CA10: variants seen among roughly 807,000 people sequenced by gnomAD.
CA10 encodes the protein carbonic anhydrase 10 (inactive), also known as carbonic anhydrase-related protein 10.
CA10 carries 14 observed loss-of-function variants against 44.2 expected under a neutral mutation model. The ratio of observed to expected loss-of-function variants is 0.32; its 90% CI spans 0.21 to 0.50. The LOEUF (loss-of-function observed/expected upper bound fraction) is 0.50, where lower values mean the gene tolerates loss of function less well. CA10 is among the 20% of genes least tolerant of loss of function. CA10 has a pLI of 0.99. For synonymous variants in CA10, 159 were observed against 141.6 expected (o/e 1.12, Z -0.87); for missense variants, 350 against 409.7 (o/e 0.85, Z 1.26).
intron 1 of CA10, among the ~76,000 whole-genome samples, chr17:52,142,340 T>C (rs909139654): frequency 2.6e-5 from 4 of 152,184 alleles, no homozygotes. Flanking sequence ...CAAATAGTCT[T>C]CCTCCTTTAC....
chr17:52,025,144 A>G (rs946637857), intron 2 of CA10, among the ~76,000 whole-genome samples: 5 of 152,170 alleles, frequency 3.3e-5, no homozygotes, highest in Non-Finnish European at 7.4e-5. Context: ...GGTCAAGGTA[A>G]AAAGGGAAGT....
chr17:51,768,789 T>C (rs1440355929), intron 3 of CA10, among the ~76,000 whole-genome samples: 3 of 152,334 alleles, frequency 2.0e-5, no homozygotes, highest in Non-Finnish European at 1.5e-5. Context: ...ACTTGGCACA[T>C]AGTGGGTATG....
intron 2 of CA10, among the ~76,000 whole-genome samples, chr17:52,000,030 T>C (rs189016703): frequency 1.3e-5 from 2 of 152,184 alleles, no homozygotes; most frequent in East Asian, 2.0e-4. Flanking sequence ...ATGGTGAAAA[T>C]GAAGCATGAC....
chr17:51,736,839 A>C (rs529331352), intron 4 of CA10, among the ~76,000 whole-genome samples: 2 of 152,294 alleles, frequency 1.3e-5, no homozygotes, highest in South Asian at 4.1e-4. Flanking sequence ...GTAGCTGTCC[A>C]TCTGGGAGGA....
Position 51,977,156 on chromosome 17 carries a change from A to C in CA10, c.137-46024T>G, listed in dbSNP as rs184711456. 7.3e-5 allele frequency among the ~76,000 whole-genome samples: 11 copies of C among 150,448 alleles called. No individual in the cohort carries two copies. The East Asian group carries it at 1.7e-3, about 24-fold the overall frequency. The stretch of plus-strand genomic sequence containing the variant: ...CATTTAGCATATTCTTTTTCAGAGA[A>C]TAGAGATGGAAATCTTCGCATTTTA... On this transcript the variant is annotated intron_variant, in intron 2 of 8. Coordinates refer to ENST00000451037, the MANE Select transcript of CA10 (RefSeq NM_020178.5).
At chr17:51,943,717 C>A (rs1983170708) in intron 2 of CA10, among the ~76,000 whole-genome samples, 1 of 152,144 alleles carries the variant, frequency 6.6e-6, no homozygotes, top group East Asian at 1.9e-4. Context: ...CATTATTTAA[C>A]AAGCAGCCCA....
At chr17:51,633,376 T>A in intron 8 of CA10, 100 bp downstream of exon 8, 1 of 1,161,184 alleles carries the variant, frequency 8.6e-7, no homozygotes, top group Non-Finnish European at 1.2e-6. Context: ...ACAGTCATCA[T>A]TCCTATAATG....
intron 4 of CA10, among the ~76,000 whole-genome samples, chr17:51,701,493 T>A (rs1915602589): frequency 6.6e-6 from 1 of 152,208 alleles, no homozygotes; most frequent in Admixed American, 6.5e-5. Context: ...TATTTATTTT[T>A]TTTATGTTTC....
rs148911366 is a variant in CA10, at chr17:51,894,851, G to A, written c.279+36139C>T. Among the ~76,000 whole-genome samples, 490 of 152,182 alleles carry A rather than the reference G, an allele frequency of 3.2e-3. 4 individuals carry two copies. Among genetic ancestry groups the A allele is most frequent in the African/African-American group, 0.011 (456 of 41,552 alleles). The stretch of plus-strand genomic sequence containing the variant: ...TAGTGAGAAATCACAAGGAAAGAAA[G>A]AGATACAGATGGAGGGTATGATGTA... On this transcript the variant is annotated intron_variant, in intron 3 of 8. Coordinates refer to ENST00000451037, the MANE Select transcript of CA10 (RefSeq NM_020178.5).
intron 3 of CA10, among the ~76,000 whole-genome samples, chr17:51,838,110 A>T (rs1460701406): frequency 6.6e-6 from 1 of 152,210 alleles, no homozygotes; most frequent in Non-Finnish European, 1.5e-5. Context: ...ACATTCTTCC[A>T]CTAATTCATT....
chr17:51,784,794 C>G (rs1331523755), intron 3 of CA10, among the ~76,000 whole-genome samples: 1 of 152,190 alleles, frequency 6.6e-6, no homozygotes, highest in African/African-American at 2.4e-5. Flanking sequence ...CAATTATACT[C>G]TTTATTTAAA....
At chr17:52,142,809 T>G (rs945809004) in intron 1 of CA10, among the ~76,000 whole-genome samples, 2 of 152,146 alleles carry the variant, frequency 1.3e-5, no homozygotes, top group Admixed American at 6.6e-5. Flanking sequence ...ATCTCCATTT[T>G]ACAGATTAGA....
rs138167127 is a variant in CA10, at chr17:52,106,808, C to G, written c.62-34415G>C. 6.6e-5 allele frequency among the ~76,000 whole-genome samples: 10 copies of G among 152,296 alleles called. No individual in the cohort carries two copies. The East Asian group carries it at 1.5e-3, about 24-fold the overall frequency. ...CTTCCATGCATTAATTGAAAGCCCA[C>G]GGCTCAGATTGTATTAACTTGATCG... On this transcript the variant is annotated intron_variant, in intron 1 of 8. Coordinates refer to ENST00000451037, the MANE Select transcript of CA10 (RefSeq NM_020178.5).
chr17:51,933,735 A>G (rs1439583670), intron 2 of CA10, among the ~76,000 whole-genome samples: 1 of 152,164 alleles, frequency 6.6e-6, no homozygotes, highest in Non-Finnish European at 1.5e-5. Context: ...AGGCAGCTGC[A>G]TGATTAAAGT....
chr17:51,871,279 T>C (rs1334809471), intron 3 of CA10, among the ~76,000 whole-genome samples: 1 of 151,582 alleles, frequency 6.6e-6, no homozygotes, highest in African/African-American at 2.4e-5. Context: ...TTGCCCAGGC[T>C]GGAGTGCAAT....
chr17:51,890,928 G>A (rs1980828843), intron 3 of CA10, among the ~76,000 whole-genome samples: 1 of 152,096 alleles, frequency 6.6e-6, no homozygotes, highest in Non-Finnish European at 1.5e-5. Context: ...CCCGGAAAGA[G>A]TCTTATGAAC....
intron 1 of CA10, among the ~76,000 whole-genome samples, chr17:52,082,631 T>C (rs1988012888): frequency 6.6e-6 from 1 of 152,190 alleles, no homozygotes; most frequent in Non-Finnish European, 1.5e-5. Flanking sequence ...GTATATATGT[T>C]GAGTTACTTT....
At chr17:51,931,287 G>A (rs1215716657) in intron 2 of CA10, among the ~76,000 whole-genome samples, 155 bp from the exon 3 acceptor site, 1 of 152,044 alleles carries the variant, frequency 6.6e-6, no homozygotes, top group African/African-American at 2.4e-5. Flanking sequence ...GTATTTTCCT[G>A]GTCTGAATCT....
intron 1 of CA10, among the ~76,000 whole-genome samples, chr17:52,113,363 G>C (rs561901875): frequency 6.6e-6 from 1 of 151,574 alleles, no homozygotes; most frequent in Non-Finnish European, 1.5e-5. Flanking sequence ...TTTTCCTTAC[G>C]GCCAGGTTAA....
Sources: gnomAD v4.1 joint callset for allele counts (sites outside exome capture counted in the v4.1 genomes callset) on GRCh38, gnomAD v4.1.1 for gene constraint, MANE v1.5 for transcripts, NCBI Gene and HGNC (gene_info 2026-07-23, HGNC 2026-07-21) for gene names.